Variants in DENND1B observed in about 807,000 individuals in gnomAD.
The protein encoded by DENND1B is DENN domain containing 1B.
A neutral mutation model predicts 90.1 loss-of-function variants in DENND1B; 59 were observed. That is an observed-to-expected ratio of 0.65 (90% confidence interval 0.53 to 0.81). The LOEUF is 0.81. DENND1B is among the 40% of genes least tolerant of loss of function. The probability of loss-of-function intolerance (pLI) is 0.00; values close to 1 mark genes in which losing one functional copy is unlikely to be tolerated. For missense variants in DENND1B, 862 were observed against 912.6 expected, an observed-to-expected ratio of 0.94 and a Z score of 0.71; for synonymous variants, 337 against 324.6, an observed-to-expected ratio of 1.04 and a Z score of -0.41.
At chr1:197,667,643 C>T (rs1267733600) in intron 5 of DENND1B, among the ~76,000 whole-genome samples, 2 of 151,994 alleles carry the variant, frequency 1.3e-5, no homozygotes, top group African/African-American at 4.8e-5. Flanking sequence ...TCGTAATCCG[C>T]CCGCCTCGGC....
chr1:197,620,976 A>C (rs1678104819), intron 10 of DENND1B, among the ~76,000 whole-genome samples: 1 of 151,302 alleles, frequency 6.6e-6, no homozygotes, highest in Non-Finnish European at 1.5e-5. Context: ...AACCTAACTG[A>C]AGGGAGAGAG....
At position 197,754,335 on chromosome 1, in the gene DENND1B, T is replaced by C. The variant is rs1571626463; in HGVS notation, c.82+18533A>G. Among the ~76,000 whole-genome samples the C allele has an allele frequency of 4.6e-5, 7 of 152,218 alleles. 1 individual carries two copies. The highest frequency in any genetic ancestry group is 4.6e-4 in the Admixed American group (7 of 15,292). ...TATTTGAAGTAGATAATAATACAAG[T>C]ATAAATGAGATACATACACAGTCGG... is the stretch of plus-strand genomic sequence containing the variant. On this transcript the variant is annotated intron_variant, in intron 2 of 22. Transcript: ENST00000620048.
chr1:197,708,002 A>G (rs1392840468), intron 3 of DENND1B, among the ~76,000 whole-genome samples: 2 of 151,814 alleles, frequency 1.3e-5, no homozygotes, highest in Non-Finnish European at 2.9e-5. Flanking sequence ...TCCCACCCGA[A>G]TATTGCGCTT....
chr1:197,775,333 C>G lies in DENND1B; in HGVS notation c.-178G>C. 8.0e-6 allele frequency: 3 copies of G among 376,872 alleles called. No homozygotes were observed. The highest frequency in any genetic ancestry group is 1.4e-5 in the Non-Finnish European group (3 of 217,766). The allele number at this position is 376,872 out of a possible 1,614,324, so 23.3% of individuals were successfully genotyped here. On this transcript the variant is annotated 5_prime_UTR_variant, in exon 1 of 23. Transcript: ENST00000620048. ...GTCGGCTGCGCCCCCGGCACTTCCC[C>G]GCCTCCCACCCCACCCACCAGAGCC...
At chr1:197,585,685 A>G (rs953649509) in intron 14 of DENND1B, among the ~76,000 whole-genome samples, 2 of 152,256 alleles carry the variant, frequency 1.3e-5, no homozygotes, top group African/African-American at 4.8e-5. Context: ...AATCTCTGAT[A>G]ATAACAAAAG....
rs1190828670 is a variant in DENND1B at position 197,691,129 on chromosome 1, C to A, written c.127-16960G>T. Among the ~76,000 whole-genome samples the A allele has an allele frequency of 2.6e-5, 4 of 151,868 alleles. No individual in the cohort carries two copies. In the East Asian group the frequency reaches 5.8e-4, roughly 22 times the overall value. On this transcript the variant is annotated intron_variant, in intron 3 of 22. Coordinates refer to ENST00000620048, the MANE Select transcript of DENND1B (RefSeq NM_001195215.2). ...AGTGGAATTACATCAAACTAAAAAT[C>A]TTCTGCACCTCAAAGAAAACATCCT...
chr1:197,606,526 A>T (rs1469735807), intron 13 of DENND1B: 4 of 151,314 alleles, frequency 2.6e-5, no homozygotes, highest in African/African-American at 9.7e-5. Flanking sequence ...AACTGAAATA[A>T]TTTAGAGAAA....
At chr1:197,529,771 T>C (rs187308891) in intron 20 of DENND1B, among the ~76,000 whole-genome samples, 3 of 152,348 alleles carry the variant, frequency 2.0e-5, no homozygotes, top group East Asian at 1.9e-4. Flanking sequence ...ATTTATGTTA[T>C]CTTATATTTT....
At chr1:197,597,790 T>A (rs1222613805) in intron 13 of DENND1B, among the ~76,000 whole-genome samples, 5 of 151,852 alleles carry the variant, frequency 3.3e-5, no homozygotes, top group African/African-American at 2.4e-5. Flanking sequence ...AATGTACCTG[T>A]TCTAGAACTA....
chr1:197,563,585 A>G (rs1189669547), intron 15 of DENND1B, among the ~76,000 whole-genome samples: 1 of 151,884 alleles, frequency 6.6e-6, no homozygotes, highest in East Asian at 1.9e-4. Flanking sequence ...CACCCAAGAA[A>G]CTCTAATGAG....
intron 5 of DENND1B, among the ~76,000 whole-genome samples, chr1:197,661,481 T>C (rs1429186241): frequency 1.3e-5 from 2 of 152,094 alleles, no homozygotes; most frequent in Non-Finnish European, 2.9e-5. Flanking sequence ...GACCTAAAAA[T>C]TCAGATGAGA....
At chr1:197,686,823 G>C (rs1657290815) in intron 3 of DENND1B, among the ~76,000 whole-genome samples, 1 of 151,318 alleles carries the variant, frequency 6.6e-6, no homozygotes, top group African/African-American at 2.4e-5. Context: ...TCTGTATTCA[G>C]CTCTTACCTT....
intron 2 of DENND1B, among the ~76,000 whole-genome samples, chr1:197,748,159 C>T (rs1431028043): frequency 6.6e-6 from 1 of 151,656 alleles, no homozygotes; most frequent in East Asian, 1.9e-4. Context: ...AAATGTGATA[C>T]TTAGTTAAAA....
intron 20 of DENND1B, among the ~76,000 whole-genome samples, chr1:197,521,609 C>G (rs1379861943): frequency 1.3e-5 from 2 of 151,352 alleles, no homozygotes; most frequent in Non-Finnish European, 2.9e-5. Flanking sequence ...TATTTTGCAG[C>G]CTAAGAAAAA....
chr1:197,698,377 G>A (rs919846175), intron 3 of DENND1B, among the ~76,000 whole-genome samples: 3 of 151,942 alleles, frequency 2.0e-5, no homozygotes, highest in Non-Finnish European at 4.4e-5. Flanking sequence ...AGAACAAAGA[G>A]ACAACATACC....
At chr1:197,541,502 T>C (rs535760502) in intron 18 of DENND1B, among the ~76,000 whole-genome samples, 2 of 152,212 alleles carry the variant, frequency 1.3e-5, no homozygotes, top group East Asian at 3.9e-4. Context: ...ATATAGTTTT[T>C]CTGGTAAAAC....
chr1:197,576,210 G>A lies in DENND1B; in HGVS notation c.1149+6942C>T, dbSNP rs79379644. On this transcript the variant is annotated intron_variant, in intron 15 of 22. Coordinates refer to ENST00000620048, the MANE Select transcript of DENND1B (RefSeq NM_001195215.2). The stretch of plus-strand genomic sequence containing the variant: ...CAGGAAGCATATTAATACTGATGGT[G>A]TAGTATGGCATAGACAAAACCTGAC... Among the ~76,000 whole-genome samples the A allele has an allele frequency of 5.9e-3, 894 of 152,322 alleles. 13 individuals are homozygous for A. The highest frequency in any genetic ancestry group is 0.02 in the African/African-American group (837 of 41,562).
chr1:197,661,568 A>C (rs1436343281), intron 5 of DENND1B, among the ~76,000 whole-genome samples: 1 of 152,088 alleles, frequency 6.6e-6, no homozygotes, highest in Non-Finnish European at 1.5e-5. Context: ...AAATGTATTG[A>C]TTGTAGGTGG....
chr1:197,715,786 A>G (rs1660582736), intron 2 of DENND1B, among the ~76,000 whole-genome samples: 1 of 151,772 alleles, frequency 6.6e-6, no homozygotes, highest in Admixed American at 6.6e-5. Flanking sequence ...TTTCTCTTCT[A>G]CTTAGCACAC....
Sources: gnomAD v4.1 joint callset for allele counts (sites outside exome capture counted in the v4.1 genomes callset) on GRCh38, gnomAD v4.1.1 for gene constraint, MANE v1.5 for transcripts, NCBI Gene and HGNC (gene_info 2026-07-23, HGNC 2026-07-21) for gene names.